HOMER2: variants seen among roughly 807,000 people sequenced by gnomAD.
The protein encoded by HOMER2 is homer protein homolog 2.
A neutral mutation model predicts 47.0 loss-of-function variants in HOMER2; 27 were observed. That is an observed-to-expected ratio of 0.57 (90% CI 0.42 to 0.79). The LOEUF (loss-of-function observed/expected upper bound fraction) is 0.79, where lower values mean the gene tolerates loss of function less well. HOMER2 is among the 30% of genes least tolerant of loss of function. The probability of loss-of-function intolerance (pLI) is 0.00; values close to 1 mark genes in which losing one functional copy is unlikely to be tolerated. For missense variants in HOMER2, 443 were observed against 435.0 expected (o/e 1.02, Z -0.16); for synonymous variants, 161 against 163.8 (o/e 0.98, Z 0.13).
rs533658487 is a variant in HOMER2 at position 82,922,622 on chromosome 15, G to A, written c.6-29781C>T. ...AACCTCAAACGAGTGAGACACAAGT[G>A]AAGGGAGCCTTTTTTTATGCTTGAT... is the stretch of plus-strand genomic sequence containing the variant. On this transcript the variant is annotated intron_variant, in intron 1 of 8. Transcript: ENST00000450735. Among the ~76,000 whole-genome samples the A allele has an allele frequency of 1.2e-4, 18 of 152,282 alleles. No individual in the cohort carries two copies. The East Asian group carries it at 3.3e-3, about 28-fold the overall frequency.
chr15:82,985,419 G>A (rs2030558499), intron 1 of HOMER2: 2 of 152,336 alleles, frequency 1.3e-5, no homozygotes, highest in South Asian at 2.1e-4. Context: ...CCGTGCAGGG[G>A]ATGGTAATGA....
intron 4 of HOMER2, among the ~76,000 whole-genome samples, chr15:82,859,577 A>G (rs976298151): frequency 9.9e-5 from 15 of 152,206 alleles, no homozygotes; most frequent in African/African-American, 2.9e-4. Flanking sequence ...GAAAAAGCAC[A>G]TATTAGAAAA....
At chr15:82,977,629 G>A (rs2030250536) in intron 1 of HOMER2, among the ~76,000 whole-genome samples, 2 of 152,108 alleles carry the variant, frequency 1.3e-5, no homozygotes, top group South Asian at 4.1e-4. Flanking sequence ...TCAGTGCTAG[G>A]TGCTGGAGAT....
At chr15:82,972,807 A>T (rs937703730) in intron 1 of HOMER2, among the ~76,000 whole-genome samples, 2 of 152,260 alleles carry the variant, frequency 1.3e-5, no homozygotes, top group East Asian at 3.8e-4. Context: ...ACCGCAGGTG[A>T]CGTGGCCTTC....
chr15:82,953,473 G>C (rs1262340592), upstream of HOMER2, among the ~76,000 whole-genome samples: 5 of 152,122 alleles, frequency 3.3e-5, no homozygotes, highest in Non-Finnish European at 7.4e-5. Context: ...TCTACCAAAG[G>C]CTGGCACTGG....
intron 3 of HOMER2, among the ~76,000 whole-genome samples, chr15:82,867,794 A>G (rs1451139635): frequency 1.3e-5 from 2 of 152,164 alleles, no homozygotes; most frequent in Non-Finnish European, 2.9e-5. Flanking sequence ...TTCTGCCAAA[A>G]TAATTGAGAA....
In HOMER2 at chr15:82,882,806, C is replaced by T. The variant is rs145364045; in HGVS notation, c.163-7402G>A. On this transcript the variant is annotated intron_variant, in intron 2 of 8. Transcript: ENST00000450735. Reference sequence around the variant, plus strand: ...AAAGAGCCTGTGCTCTTTGGCTGCCCACAGTTTACACAGAAGCTGAATCTG... The same window carrying T: ...AAAGAGCCTGTGCTCTTTGGCTGCCTACAGTTTACACAGAAGCTGAATCTG... 6.2e-3 allele frequency among the ~76,000 whole-genome samples: 940 copies of T among 151,804 alleles called. 9 individuals carry two copies. Among genetic ancestry groups the T allele is most frequent in the African/African-American group, 0.022 (898 of 41,426 alleles).
chr15:82,910,587 G>A (rs1025829145), intron 1 of HOMER2, among the ~76,000 whole-genome samples: 4 of 152,192 alleles, frequency 2.6e-5, no homozygotes, highest in Non-Finnish European at 5.9e-5. Flanking sequence ...AAATCCTAGT[G>A]ACTTATAAAT....
intron 5 of HOMER2, 118 bp downstream of exon 5, chr15:82,858,911 G>A: frequency 8.4e-7 from 1 of 1,187,188 alleles, no homozygotes; most frequent in East Asian, 2.5e-5. Flanking sequence ...AAGAGTGGAT[G>A]CTCTAAGCAG....
intron 1 of HOMER2, among the ~76,000 whole-genome samples, chr15:82,900,422 A>C (rs932255439): frequency 2.0e-5 from 3 of 152,222 alleles, no homozygotes; most frequent in Non-Finnish European, 4.4e-5. Flanking sequence ...TCCCTAAATT[A>C]ATATATAAAT....
intron 3 of HOMER2, among the ~76,000 whole-genome samples, chr15:82,868,439 AG>A (rs2052048723): frequency 6.7e-6 from 1 of 149,346 alleles, no homozygotes; most frequent in Non-Finnish European, 1.5e-5. Context: ...TGGAGGGTGG[AG>A]GGTAGGAGGA....
At chr15:82,945,814 C>A (rs1356737296) in intron 1 of HOMER2, among the ~76,000 whole-genome samples, 1 of 151,794 alleles carries the variant, frequency 6.6e-6, no homozygotes, top group African/African-American at 2.4e-5. Flanking sequence ...ACTAAAAATA[C>A]AAAAAATTAG....
chr15:82,926,507 G>C (rs2151184505), intron 1 of HOMER2: 1 of 152,318 alleles, frequency 6.6e-6, no homozygotes, highest in African/African-American at 2.4e-5. Context: ...GGCCAACATG[G>C]TGAAACCTCG....
chr15:82,902,448 A>C (rs2053153340), intron 1 of HOMER2, among the ~76,000 whole-genome samples: 1 of 152,096 alleles, frequency 6.6e-6, no homozygotes. Context: ...CGCCCACCTC[A>C]GCCTCCCAAA....
In HOMER2 at chr15:82,907,935, C is replaced by G. The variant is rs917745855; in HGVS notation, c.6-15094G>C. 2.0e-5 allele frequency among the ~76,000 whole-genome samples: 3 copies of G among 152,150 alleles called. No individual in the cohort carries two copies. In the East Asian group the frequency reaches 5.8e-4, roughly 29 times the overall value. On this transcript the variant is annotated intron_variant, in intron 1 of 8. Transcript: ENST00000450735. ...TTGGCAATAAAAAAGAAATAAAATA[C>G]TGATACAGGCTATAACAAGGATGAA...
chr15:82,900,994 C>T (rs918302721), intron 1 of HOMER2, among the ~76,000 whole-genome samples: 4 of 152,188 alleles, frequency 2.6e-5, no homozygotes, highest in Non-Finnish European at 5.9e-5. Flanking sequence ...CTGATGAATG[C>T]TGACAGGCTT....
chr15:82,895,893 A>C (rs977156073), intron 1 of HOMER2, among the ~76,000 whole-genome samples: 1 of 152,288 alleles, frequency 6.6e-6, no homozygotes, highest in East Asian at 1.9e-4. Flanking sequence ...AAGGGGCTCC[A>C]TTTTTAAGAA....
At chr15:82,905,322 G>A (rs2053256662) in intron 1 of HOMER2, among the ~76,000 whole-genome samples, 1 of 150,054 alleles carries the variant, frequency 6.7e-6, no homozygotes, top group African/African-American at 2.4e-5. Context: ...CAAGAACTGT[G>A]GGAAAACTGG....
Position 82,909,313 on chromosome 15 carries a change from C to G in HOMER2, c.6-16472G>C, listed in dbSNP as rs556430884. ...GATGGAGCAATGGCGAGAGCACACTCGACAAGGGAGGGGAAAGGGGTCTTC... is the reference window on the plus strand; with the variant it reads ...GATGGAGCAATGGCGAGAGCACACTGGACAAGGGAGGGGAAAGGGGTCTTC... On this transcript the variant is annotated intron_variant, in intron 1 of 8. Transcript: ENST00000450735. Among the ~76,000 whole-genome samples, 6 of 152,276 alleles carry G rather than the reference C, an allele frequency of 3.9e-5. No individual in the cohort carries two copies. The East Asian group carries it at 1.2e-3, about 29-fold the overall frequency.
Sources: gnomAD v4.1 joint callset for allele counts (sites outside exome capture counted in the v4.1 genomes callset) on GRCh38, gnomAD v4.1.1 for gene constraint, MANE v1.5 for transcripts, NCBI Gene and HGNC (gene_info 2026-07-23, HGNC 2026-07-21) for gene names.